Variants in ENTREP2 observed in about 807,000 individuals in gnomAD.
ENTREP2 encodes endosomal transmembrane epsin interactor 2.
the ENTREP2 span, among the ~76,000 whole-genome samples, chr15:29,247,558 A>G: frequency 6.6e-6 from 1 of 152,234 alleles, no homozygotes; most frequent in East Asian, 1.9e-4. Flanking sequence ...TGTTGAATGA[A>G]TATGAATAAA....
At chr15:29,156,679 A>G in the ENTREP2 span, among the ~76,000 whole-genome samples, 1 of 152,148 alleles carries the variant, frequency 6.6e-6, no homozygotes, top group African/African-American at 2.4e-5. Flanking sequence ...GGTGACTCTG[A>G]AGTTCAGAAC....
At chr15:29,424,753 C>T in the ENTREP2 span, among the ~76,000 whole-genome samples, 1 of 152,168 alleles carries the variant, frequency 6.6e-6, no homozygotes, top group Non-Finnish European at 1.5e-5. Flanking sequence ...AACACATTTC[C>T]TTTTCTTTAC....
At chr15:29,505,150 T>A in the ENTREP2 span, among the ~76,000 whole-genome samples, 1 of 152,244 alleles carries the variant, frequency 6.6e-6, no homozygotes, top group African/African-American at 2.4e-5. This position sits in a 1 kb window ranked among gnomAD's most constrained non-coding sequence, Gnocchi z 4.3. Flanking sequence ...ATGCTCCCCC[T>A]GGGCAGAGCC....
At chr15:29,236,853 A>G in the ENTREP2 span, among the ~76,000 whole-genome samples, 1 of 152,134 alleles carries the variant, frequency 6.6e-6, no homozygotes, top group African/African-American at 2.4e-5. Flanking sequence ...CTGATACTGA[A>G]ACCAGACAAA....
chr15:29,565,053 G>A, the ENTREP2 span, among the ~76,000 whole-genome samples: 1 of 152,134 alleles, frequency 6.6e-6, no homozygotes, highest in Non-Finnish European at 1.5e-5. Context: ...AAAACTGTCA[G>A]TACTCCCAAA....
chr15:29,549,520 T>G, the ENTREP2 span, among the ~76,000 whole-genome samples: 1 of 152,184 alleles, frequency 6.6e-6, no homozygotes, highest in South Asian at 2.1e-4. Context: ...TCCGCCCGCC[T>G]CGGCCTCCCA....
the ENTREP2 span, among the ~76,000 whole-genome samples, chr15:29,626,914 G>T: frequency 6.6e-6 from 1 of 152,078 alleles, no homozygotes; most frequent in African/African-American, 2.4e-5. Context: ...AAAATAAACT[G>T]TCTTTATTGT....
At chr15:29,472,428 AACACACACACACACACAC>A in the ENTREP2 span, among the ~76,000 whole-genome samples, 7 of 140,710 alleles carry the variant, frequency 5.0e-5, no homozygotes, top group African/African-American at 1.9e-4. Flanking sequence ...CACAACACAC[AACACACACACACACACAC>A]ACACACACAC....
chr15:29,410,514 C>T, the ENTREP2 span, among the ~76,000 whole-genome samples: 4 of 151,916 alleles, frequency 2.6e-5, no homozygotes, highest in African/African-American at 9.7e-5. Context: ...GCACTCCAGT[C>T]CCCTCAGGAG....
At chr15:29,389,384 T>C in the ENTREP2 span, among the ~76,000 whole-genome samples, 15 of 152,022 alleles carry the variant, frequency 9.9e-5, no homozygotes, top group African/African-American at 3.6e-4. Flanking sequence ...TCCCCAGACC[T>C]CTCCAGGAGG....
the ENTREP2 span, among the ~76,000 whole-genome samples, chr15:29,557,881 C>T: frequency 6.6e-6 from 1 of 152,190 alleles, no homozygotes; most frequent in South Asian, 2.1e-4. Flanking sequence ...GTGCCAACCG[C>T]TCATGCCTAT....
the ENTREP2 span, chr15:29,136,333 G>A: frequency 6.8e-7 from 1 of 1,468,548 alleles, no homozygotes; most frequent in Non-Finnish European, 8.9e-7. Context: ...CATTCCCACG[G>A]GAACTGGCTT....
At chr15:29,499,983 A>G in the ENTREP2 span, among the ~76,000 whole-genome samples, 1 of 152,174 alleles carries the variant, frequency 6.6e-6, no homozygotes, top group Non-Finnish European at 1.5e-5. Context: ...CTTTAAGATA[A>G]AAATTGCTAC....
the ENTREP2 span, among the ~76,000 whole-genome samples, chr15:29,225,010 G>A: frequency 3.3e-5 from 5 of 152,304 alleles, no homozygotes; most frequent in South Asian, 1.0e-3. Context: ...GCCCCTCACT[G>A]CCCGGGCCGG....
At chr15:29,614,175 G>C in the ENTREP2 span, 1 of 153,718 alleles carries the variant, frequency 6.5e-6, no homozygotes, top group Non-Finnish European at 1.4e-5. Flanking sequence ...TATTGTGCGG[G>C]AAGGCTGTCC....
chr15:29,568,202 G>T, the ENTREP2 span, among the ~76,000 whole-genome samples: 1 of 152,248 alleles, frequency 6.6e-6, no homozygotes, highest in Non-Finnish European at 1.5e-5. Flanking sequence ...AGCAAAGTAA[G>T]TTTGAAGACA....
chr15:29,146,275 G>C, the ENTREP2 span, among the ~76,000 whole-genome samples: 1 of 152,094 alleles, frequency 6.6e-6, no homozygotes, highest in African/African-American at 2.4e-5. Context: ...CAAAATCCCG[G>C]GTGGATTGTT....
chr15:29,578,483 G>T, the ENTREP2 span, among the ~76,000 whole-genome samples: 3 of 152,130 alleles, frequency 2.0e-5, no homozygotes, highest in African/African-American at 7.2e-5. Context: ...ACTTGTCTTT[G>T]TTCGTTAGGT....
chr15:29,159,856 G>A, the ENTREP2 span, among the ~76,000 whole-genome samples: 1 of 152,264 alleles, frequency 6.6e-6, no homozygotes, highest in Non-Finnish European at 1.5e-5. Flanking sequence ...AGACTCAGGA[G>A]CCCAGCTGGC....
Sources: allele counts gnomAD v4.1 joint callset (sites outside exome capture counted in the v4.1 genomes callset), GRCh38; gene constraint gnomAD v4.1.1; non-coding constraint Gnocchi (gnomAD v3.1); transcripts MANE v1.5; gene names NCBI Gene and HGNC (gene_info 2026-07-23, HGNC 2026-07-21).